CDH12: variants seen among roughly 807,000 people sequenced by gnomAD.
CDH12 encodes the protein cadherin 12.
Under a neutral mutation model 74.1 loss-of-function variants are expected in CDH12, and 41 were observed. The ratio of observed to expected loss-of-function variants is 0.55; its 90% CI spans 0.43 to 0.72. The LOEUF is 0.72. CDH12 is among the 30% of genes least tolerant of loss of function. The pLI, the probability that CDH12 is intolerant of heterozygous loss-of-function variation, is 0.00. For synonymous variants in CDH12, 399 were observed against 355.0 expected (o/e 1.12, Z -1.39); for missense variants, 945 against 977.2 (o/e 0.97, Z 0.44).
chr5:22,422,871 G>T (rs1211588527), intron 2 of CDH12, among the ~76,000 whole-genome samples: 2 of 152,076 alleles, frequency 1.3e-5, no homozygotes, highest in Non-Finnish European at 2.9e-5. Flanking sequence ...CTGTAATTCG[G>T]ATTGGAACTC....
chr5:21,883,283 A>C, intron 6 of CDH12: 1 of 1,433,664 alleles, frequency 7.0e-7, no homozygotes, highest in East Asian at 2.3e-5. Context: ...TTATTAATAC[A>C]TCAAAAGGTC....
rs1747860583 is a variant in CDH12, at chr5:22,154,435, GAATATATACA to G, written c.-187+58053_-187+58062del. On this transcript the variant is annotated intron_variant, in intron 4 of 14. Coordinates refer to ENST00000382254, the MANE Select transcript of CDH12 (RefSeq NM_004061.5). ...ACACACACACATATACATATATAGT[GAATATATACA>G]CATATATATGTACACATATATATGT... Among the ~76,000 whole-genome samples the G allele has an allele frequency of 4.1e-5, 6 of 145,496 alleles. No individual in the cohort carries two copies. The South Asian group carries it at 1.3e-3, about 32-fold the overall frequency.
At chr5:22,602,404 A>G (rs1736894547) in intron 1 of CDH12, among the ~76,000 whole-genome samples, 1 of 152,164 alleles carries the variant, frequency 6.6e-6, no homozygotes, top group Non-Finnish European at 1.5e-5. Context: ...TAGCTTATAA[A>G]TAACTAAAAC....
At chr5:21,954,922 G>A (rs4028754) in intron 6 of CDH12, among the ~76,000 whole-genome samples, 7 of 151,966 alleles carry the variant, frequency 4.6e-5, no homozygotes, top group Non-Finnish European at 8.8e-5. Context: ...ATAGATGAAC[G>A]TTGTGTGAGT....
chr5:21,990,603 A>C (rs907108531), intron 5 of CDH12, among the ~76,000 whole-genome samples: 3 of 152,102 alleles, frequency 2.0e-5, no homozygotes. Flanking sequence ...ATTAACTTAT[A>C]TAAATGTGCA....
At chr5:22,617,998 G>C (rs1010094093) in intron 1 of CDH12, among the ~76,000 whole-genome samples, 3 of 151,968 alleles carry the variant, frequency 2.0e-5, no homozygotes, top group African/African-American at 7.3e-5. Flanking sequence ...ATGCCCATTT[G>C]ACAGATGCAG....
At chr5:22,727,854 G>A (rs1376404681) in intron 1 of CDH12, among the ~76,000 whole-genome samples, 3 of 151,314 alleles carry the variant, frequency 2.0e-5, no homozygotes, top group African/African-American at 7.3e-5. Flanking sequence ...TTTTCTTATG[G>A]AGGTTTTCGT....
At chr5:21,985,168 T>C (rs1757463036) in intron 5 of CDH12, among the ~76,000 whole-genome samples, 2 of 152,168 alleles carry the variant, frequency 1.3e-5, no homozygotes, top group Admixed American at 6.6e-5. Context: ...TATTAACAAT[T>C]TATTTGTCAT....
At chr5:22,449,087 T>G (rs1010089986) in intron 2 of CDH12, among the ~76,000 whole-genome samples, 1 of 151,992 alleles carries the variant, frequency 6.6e-6, no homozygotes, top group African/African-American at 2.4e-5. Flanking sequence ...ATGCCTTGAA[T>G]ACATTAATTG....
At chr5:21,788,495 G>A (rs2149904053) in intron 10 of CDH12, among the ~76,000 whole-genome samples, 1 of 152,158 alleles carries the variant, frequency 6.6e-6, no homozygotes, top group East Asian at 1.9e-4. Flanking sequence ...ATACATTATA[G>A]TTAAAAAACT....
chr5:22,106,533 C>T (rs35141572), intron 4 of CDH12, among the ~76,000 whole-genome samples: 260 of 152,280 alleles, frequency 1.7e-3, no homozygotes, highest in African/African-American at 5.7e-3. Context: ...TTCTAAACTA[C>T]AGACACTCTT....
At chr5:22,376,242 CACAA>C (rs1741518077) in intron 3 of CDH12, among the ~76,000 whole-genome samples, 4 of 152,006 alleles carry the variant, frequency 2.6e-5, no homozygotes, top group African/African-American at 7.2e-5. Context: ...ATGTGGGAGT[CACAA>C]ACAATCTCAT....
chr5:22,560,020 C>G (rs556656497), intron 1 of CDH12, among the ~76,000 whole-genome samples: 8 of 152,180 alleles, frequency 5.3e-5, no homozygotes, highest in Admixed American at 3.3e-4. Context: ...TCTGAAAGGA[C>G]CAATCAATTT....
At chr5:22,332,458 G>C (rs1739390778) in intron 3 of CDH12, among the ~76,000 whole-genome samples, 1 of 152,126 alleles carries the variant, frequency 6.6e-6, no homozygotes, top group Non-Finnish European at 1.5e-5. Context: ...AGCCTAAATT[G>C]AGAAGTGAAA....
intron 3 of CDH12, among the ~76,000 whole-genome samples, chr5:22,331,834 A>T (rs1739363946): frequency 6.6e-6 from 1 of 152,212 alleles, no homozygotes; most frequent in Admixed American, 6.5e-5. Flanking sequence ...AAAAAAAATC[A>T]AACAGAAATT....
At chr5:22,106,052 A>G (rs953290175) in intron 4 of CDH12, among the ~76,000 whole-genome samples, 19 of 152,120 alleles carry the variant, frequency 1.2e-4, no homozygotes, top group African/African-American at 4.6e-4. Flanking sequence ...TCCATTTTTC[A>G]TGGTCTGATT....
At chr5:21,764,420 G>A (rs1307733601) in intron 12 of CDH12, among the ~76,000 whole-genome samples, 3 of 149,820 alleles carry the variant, frequency 2.0e-5, no homozygotes, top group Admixed American at 6.7e-5. Context: ...GAAATTTGCA[G>A]GTGTGTCACT....
At chr5:22,315,180 T>C (rs1580514306) in intron 3 of CDH12, among the ~76,000 whole-genome samples, 1 of 140,266 alleles carries the variant, frequency 7.1e-6, no homozygotes, top group East Asian at 2.1e-4. Context: ...GCCGGGATGG[T>C]CTCGATCTCC....
At chr5:22,161,236 A>T (rs6452063) in intron 4 of CDH12, among the ~76,000 whole-genome samples, 4 of 152,250 alleles carry the variant, frequency 2.6e-5, no homozygotes, top group African/African-American at 9.6e-5. Flanking sequence ...TTCCCCTAAA[A>T]CTTTTTGTTT....
Sources: gnomAD v4.1 joint callset for allele counts (sites outside exome capture counted in the v4.1 genomes callset) on GRCh38, gnomAD v4.1.1 for gene constraint, MANE v1.5 for transcripts, NCBI Gene and HGNC (gene_info 2026-07-23, HGNC 2026-07-21) for gene names.